Variants in PNPLA6 observed in about 807,000 individuals in gnomAD.
PNPLA6 encodes the protein patatin like domain 6, lysophospholipase.
In PNPLA6, 105 loss-of-function variants were observed where a neutral mutation model predicts 153.7. The observed-to-expected ratio is 0.68, with a 90% CI of 0.58 to 0.80. The LOEUF is 0.80. Ranked by LOEUF, PNPLA6 falls within the 30% of genes least tolerant of loss-of-function variation. The pLI is 0.00. For synonymous variants in PNPLA6, 825 were observed against 822.2 expected, an observed-to-expected ratio of 1.00 and a Z score of -0.06; for missense variants, 1,423 against 1,919.3, an observed-to-expected ratio of 0.74 and a Z score of 4.83.
Position 7,556,657 on chromosome 19 carries a change from C to T in PNPLA6, c.3213C>T (p.Asp1071=). ...CACCTCGATCCCTGTCCCCGCAGGA[C>T]CTGTGGCTGCCTTACTTCAACGTGA... ...HRVFQDKQIE[D]LWLPYFNVTT... The change falls in exon 26 of 32, where the codon GAC becomes GAT. Residue 1071 remains aspartate (D), a splice_region_variant and synonymous_variant. Coordinates refer to ENST00000600737, the MANE Select transcript of PNPLA6 (RefSeq NM_001166114.2). 6.2e-7 allele frequency: 1 copy of T among 1,613,074 alleles called. No individual in the cohort carries two copies. The highest frequency in any genetic ancestry group is 8.5e-7 in the Non-Finnish European group (1 of 1,179,140).
rs761694212 is a variant in PNPLA6, at chr19:7,550,622, C to T, written c.2052C>T (p.Arg684=). Residue 684 remains arginine (R), a synonymous_variant, in exon 16 of 32, where the codon CGC becomes CGT. Coordinates refer to ENST00000600737, the MANE Select transcript of PNPLA6 (RefSeq NM_001166114.2). ...AGGAGCTGGTGGGCGAGTACGGCCG[C>T]GGCGACCTCATCGGCGTGGTGAGCG... is the stretch of plus-strand genomic sequence containing the variant. ...GKKELVGEYG[R]GDLIGVVEAL... The T allele has an allele frequency of 6.2e-6, 10 of 1,611,510 alleles. No individual in the cohort carries two copies. The highest frequency in any genetic ancestry group is 2.2e-5 in the East Asian group (1 of 44,858).
rs575314762 is a variant in PNPLA6, at chr19:7,541,737, C to G, written c.1168+53C>G. The G allele has an allele frequency of 6.6e-7, 1 of 1,524,072 alleles. No individual in the cohort carries two copies. Among genetic ancestry groups the G allele is most frequent in the East Asian group, 2.4e-5 (1 of 41,122 alleles). 94.4% of individuals were successfully genotyped at this position (1,524,072 alleles called of 1,614,324 possible). On this transcript the variant is annotated intron_variant, in intron 9 of 31. Coordinates refer to ENST00000600737, the MANE Select transcript of PNPLA6 (RefSeq NM_001166114.2). This position sits in a 1 kb window ranked among gnomAD's most constrained non-coding sequence, Gnocchi z 5.2. ...CCCAATCTCCCAGGAAGCCCCGTCT[C>G]AGCCGCCAGCCCCTTTTTCAGTTCT...
chr19:7,535,288 G>T (rs1040730981), upstream of PNPLA6: 1 of 597,724 alleles, frequency 1.7e-6, no homozygotes, highest in Non-Finnish European at 3.0e-6. This position sits in a 1 kb window ranked among gnomAD's most constrained non-coding sequence, Gnocchi z 5.0. Context: ...AAGGGAGCAG[G>T]AAGCCGGGGA....
Position 7,540,164 on chromosome 19 carries a change from C to A in PNPLA6, c.570C>A (p.Phe190Leu). ...MLKNVRVLGH[F>L]EKPLFLELCR... ...TGTCCAACAGGGTGCTGGGCCACTT[C>A]GAGAAGCCACTCTTCCTGGAGCTCT... Residue 190 changes from phenylalanine (F) to leucine (L), a missense_variant, in exon 5 of 32, where the codon TTC becomes TTA. Transcript: ENST00000600737. The surrounding 1 kb of genome is among the most constrained non-coding windows in gnomAD (Gnocchi z 6.8). The A allele has an allele frequency of 6.2e-7, 1 of 1,611,336 alleles. No individual in the cohort carries two copies. Among genetic ancestry groups the A allele is most frequent in the South Asian group, 1.1e-5 (1 of 91,082 alleles).
chr19:7,548,187 A>G (rs1159556133), intron 13 of PNPLA6, among the ~76,000 whole-genome samples: 1 of 151,932 alleles, frequency 6.6e-6, no homozygotes, highest in African/African-American at 2.4e-5. Context: ...TCTACTAAAA[A>G]TACAAAAATT....
chr19:7,535,153 C>A, upstream of PNPLA6: 1 of 401,962 alleles, frequency 2.5e-6, no homozygotes, highest in Non-Finnish European at 4.7e-6. This position sits in a 1 kb window ranked among gnomAD's most constrained non-coding sequence, Gnocchi z 5.0. Flanking sequence ...AGGAAGTCAC[C>A]AGGTGCAGAG....
intron 13 of PNPLA6, among the ~76,000 whole-genome samples, chr19:7,548,487 C>T (rs1370149829): frequency 1.3e-5 from 2 of 151,906 alleles, no homozygotes; most frequent in Admixed American, 1.3e-4. Context: ...TCCTGGGCCA[C>T]GTGCAGCCCG....
At chr19:7,547,419 C>A (rs891657510) in intron 13 of PNPLA6, among the ~76,000 whole-genome samples, 13 of 152,148 alleles carry the variant, frequency 8.5e-5, no homozygotes, top group Non-Finnish European at 1.5e-5. Flanking sequence ...AATGACTTGA[C>A]GTTGAACAGC....
intron 13 of PNPLA6, among the ~76,000 whole-genome samples, chr19:7,545,044 G>A (rs572332271): frequency 5.3e-5 from 8 of 149,700 alleles, no homozygotes; most frequent in African/African-American, 9.8e-5. Flanking sequence ...TTTTTTTTTC[G>A]GAGACGGAGT....
intron 13 of PNPLA6, among the ~76,000 whole-genome samples, chr19:7,548,469 C>T (rs562380306): frequency 1.3e-4 from 19 of 151,790 alleles, no homozygotes; most frequent in Non-Finnish European, 2.1e-4. Context: ...GGGCCAAATT[C>T]GAAGCCATCC....
At chr19:7,551,545 G>C (rs1257756270) in intron 18 of PNPLA6, 108 bp downstream of exon 18, 12 of 982,994 alleles carry the variant, frequency 1.2e-5, no homozygotes, top group Non-Finnish European at 1.8e-5. Flanking sequence ...GGAGTTCCGC[G>C]AAGAAATCGT....
upstream of PNPLA6, chr19:7,535,686 T>A (rs1052970002): frequency 5.2e-6 from 8 of 1,528,456 alleles, no homozygotes; most frequent in East Asian, 7.4e-5. The surrounding 1 kb of genome is among the most constrained non-coding windows in gnomAD (Gnocchi z 5.0). Flanking sequence ...ACGCGCTGCG[T>A]CCGCTCGGGC....
chr19:7,552,764 A>G (rs1339862933), intron 18 of PNPLA6, among the ~76,000 whole-genome samples: 2 of 102,964 alleles, frequency 1.9e-5, no homozygotes, highest in African/African-American at 5.1e-5. Context: ...TCAAAAAAAA[A>G]AAAAGAAAGA....
chr19:7,554,881 C>T lies in PNPLA6; in HGVS notation c.2635-12C>T, dbSNP rs368268676. 1.7e-5 allele frequency: 27 copies of T among 1,579,606 alleles called. No homozygotes were observed. The South Asian group carries it at 1.9e-4, about 11-fold the overall frequency. On this transcript the variant is annotated splice_polypyrimidine_tract_variant and intron_variant, in intron 21 of 31. Transcript: ENST00000600737. ...GGGGCGGCTGGTGACCTCAGCCGTCCGTATTCCGCAGCTGGAGCAGATGCT... is the reference window on the plus strand; with the variant it reads ...GGGGCGGCTGGTGACCTCAGCCGTCTGTATTCCGCAGCTGGAGCAGATGCT...
In PNPLA6 at chr19:7,550,294, G is replaced by A. The variant is rs1249773275; in HGVS notation, c.1815-4G>A. 1.2e-6 allele frequency: 2 copies of A among 1,612,862 alleles called. No individual in the cohort carries two copies. Among genetic ancestry groups the A allele is most frequent in the Non-Finnish European group, 1.7e-6 (2 of 1,180,050 alleles). ...CCTCTTTCATCCCAAGTCTGTTCCT[G>A]CAGGATCATGCGCGCACAGCCCAGT... On this transcript the variant is annotated splice_region_variant and splice_polypyrimidine_tract_variant and intron_variant, in intron 14 of 31. Transcript: ENST00000600737.
At chr19:7,536,150 T>C (rs377212444) in intron 1 of PNPLA6, 41 bp from the exon 2 acceptor site, 16 of 1,518,846 alleles carry the variant, frequency 1.1e-5, no homozygotes, top group African/African-American at 2.7e-5. Flanking sequence ...GGGTGGAGTC[T>C]GCACAGAGCT....
chr19:7,535,638 C>G (rs1003015718), upstream of PNPLA6: 5 of 1,568,182 alleles, frequency 3.2e-6, no homozygotes, highest in Non-Finnish European at 4.3e-6. This position sits in a 1 kb window ranked among gnomAD's most constrained non-coding sequence, Gnocchi z 5.0. Flanking sequence ...GACTACAACT[C>G]CCGGCGTGCT....
intron 19 of PNPLA6, 33 bp downstream of exon 19, chr19:7,554,048 GCGGT>G: frequency 6.2e-7 from 1 of 1,605,728 alleles, no homozygotes; most frequent in Non-Finnish European, 8.5e-7. Flanking sequence ...GTGGGGGCTG[GCGGT>G]GGGTGGGACA....
intron 27 of PNPLA6, 91 bp from the exon 28 acceptor site, chr19:7,558,759 C>A: frequency 1.1e-6 from 1 of 874,482 alleles, no homozygotes; most frequent in Non-Finnish European, 1.8e-6. Flanking sequence ...TTTGCGTGAT[C>A]ATTTGCATGA....
Sources: allele counts gnomAD v4.1 joint callset (sites outside exome capture counted in the v4.1 genomes callset), GRCh38; gene constraint gnomAD v4.1.1; non-coding constraint Gnocchi (gnomAD v3.1); transcripts MANE v1.5; gene names NCBI Gene and HGNC (gene_info 2026-07-23, HGNC 2026-07-21).